The following ADAM28 variants were observed in gnomAD, a reference collection of about 807,000 sequenced individuals.
ADAM28 encodes the protein ADAM metallopeptidase domain 28, also known as disintegrin and metalloproteinase domain-containing protein 28.
ADAM28 carries 105 observed loss-of-function variants against 101.2 expected under a neutral mutation model. The ratio of observed to expected loss-of-function variants is 1.04; its 90% confidence interval spans 0.89 to 1.22. The LOEUF (loss-of-function observed/expected upper bound fraction) is 1.22. Among genes scored for constraint, ADAM28 ranks in the 50% most tolerant of loss-of-function variants. The pLI is 0.00. For missense variants in ADAM28, 1,028 were observed against 945.4 expected (o/e 1.09, Z -1.15); for synonymous variants, 322 against 310.6 (o/e 1.04, Z -0.39).
In ADAM28 at chr8:24,355,803, T is replaced by G. The variant is rs543537445; in HGVS notation, c.*1399T>G. The G allele has an allele frequency of 6.6e-6, 1 of 152,258 alleles. No homozygotes were observed. Among genetic ancestry groups the G allele is most frequent in the South Asian group, 2.1e-4 (1 of 4,822 alleles). 9.4% of individuals were successfully genotyped at this position (152,258 alleles called of 1,614,324 possible). ...TATGAGCCATACATTTTCCTTGTTG[T>G]TTAAGCCATTTTGAATTGGATTTTC... On this transcript the variant is annotated 3_prime_UTR_variant, in exon 23 of 23. Transcript: ENST00000265769.
intron 18 of ADAM28, among the ~76,000 whole-genome samples, chr8:24,349,555 T>C (rs961540942): frequency 3.3e-5 from 5 of 152,220 alleles, no homozygotes; most frequent in Non-Finnish European, 7.3e-5. Flanking sequence ...TCTTCCTTAC[T>C]GTATATTCTC....
At chr8:24,300,219 T>A (rs986437932) in intron 2 of ADAM28, 142 bp downstream of exon 2, 22 of 522,004 alleles carry the variant, frequency 4.2e-5, no homozygotes, top group Non-Finnish European at 5.9e-5. Context: ...TGTGCCTGTG[T>A]GTTTCAAGTG....
At position 24,353,823 on chromosome 8, in the gene ADAM28, T is replaced by C. The variant is rs143142512; in HGVS notation, c.2298T>C (p.Ser766=). The C allele has an allele frequency of 4.7e-5, 71 of 1,517,414 alleles. No homozygotes were observed. The highest frequency in any genetic ancestry group is 6.4e-5 in the Non-Finnish European group (70 of 1,092,998). The allele number at this position is 1,517,414 out of a possible 1,614,324, so 94.0% of individuals were successfully genotyped here. Residue 766 remains serine (S), a synonymous_variant, in exon 22 of 23, where the codon TCT becomes TCC. Transcript: ENST00000265769. ...PPTVFKDNPV[S]TPKDSNPKA ...CTGTTTTCAAGGATAATCCAGTGTC[T>C]ACACCTAAGGTAAGAGATCTATAGC... is the stretch of plus-strand genomic sequence containing the variant.
intron 1 of ADAM28, among the ~76,000 whole-genome samples, chr8:24,297,207 G>C (rs928840301): frequency 2.6e-5 from 4 of 151,092 alleles, no homozygotes; most frequent in Non-Finnish European, 5.9e-5. Flanking sequence ...TTTGTTTTTG[G>C]TTTCCATTTG....
intron 14 of ADAM28, among the ~76,000 whole-genome samples, chr8:24,336,933 A>G (rs972083873): frequency 2.0e-5 from 3 of 152,232 alleles, no homozygotes; most frequent in Non-Finnish European, 4.4e-5. Flanking sequence ...GAGAAAATCT[A>G]CATAGTCCTA....
At chr8:24,331,358 G>A (rs1352067616) in intron 12 of ADAM28, 31 bp downstream of exon 12, 1 of 1,565,930 alleles carries the variant, frequency 6.4e-7, no homozygotes, top group Admixed American at 1.9e-5. Flanking sequence ...AAACGATCTA[G>A]TTGGTTTTTC....
At chr8:24,350,820 T>C (rs1466267310) in intron 19 of ADAM28, among the ~76,000 whole-genome samples, 2 of 151,400 alleles carry the variant, frequency 1.3e-5, no homozygotes, top group Non-Finnish European at 2.9e-5. Flanking sequence ...GAGTAAGTGG[T>C]GGAGGCTGGG....
At chr8:24,325,871 C>CAAAAAA (rs5890146) in intron 9 of ADAM28, among the ~76,000 whole-genome samples, 250 of 20,438 alleles carry the variant, frequency 0.012, 2 homozygotes, top group Non-Finnish European at 0.013. Context: ...GTACAGATAG[C>CAAAAAA]AAAAAAAAAA....
At chr8:24,352,928 G>C (rs4298493) in intron 21 of ADAM28, among the ~76,000 whole-genome samples, 146,332 of 152,228 alleles carry the variant, frequency 0.96, 70,566 homozygotes, top group East Asian at 1. Context: ...TTGCTTGTAA[G>C]TATCAGATAG....
At chr8:24,296,127 G>A (rs971049946) in intron 1 of ADAM28, 2 of 152,174 alleles carry the variant, frequency 1.3e-5, no homozygotes, top group Non-Finnish European at 2.9e-5. Flanking sequence ...GTAAATGATT[G>A]CATCAACAAA....
In ADAM28 at chr8:24,327,822, A is replaced by G. The variant is rs142096355; in HGVS notation, c.972+1187A>G. ...TATTTAATAAATGGTGTTGGGAAAAATGTACAGATTTTTTAAGAGTATGCC... is the reference window on the plus strand; with the variant it reads ...TATTTAATAAATGGTGTTGGGAAAAGTGTACAGATTTTTTAAGAGTATGCC... On this transcript the variant is annotated intron_variant, in intron 10 of 22. Transcript: ENST00000265769. 1.3e-3 allele frequency among the ~76,000 whole-genome samples: 204 copies of G among 151,962 alleles called. 3 individuals carry two copies. The highest frequency in any genetic ancestry group is 4.7e-3 in the African/African-American group (195 of 41,536).
At chr8:24,328,798 C>T (rs973013499) in intron 10 of ADAM28, among the ~76,000 whole-genome samples, 23 of 151,884 alleles carry the variant, frequency 1.5e-4, no homozygotes, top group African/African-American at 5.1e-4. Flanking sequence ...GACGTAGTGG[C>T]TGGTGCCTGT....
rs1812668760 is a variant in ADAM28, at chr8:24,326,703, G to C, written c.972+68G>C. On this transcript the variant is annotated intron_variant, in intron 10 of 22. Coordinates refer to ENST00000265769, the MANE Select transcript of ADAM28 (RefSeq NM_014265.6). ...TCAAATGCTTTTTAAAAAATCTATA[G>C]AGAAGATCATGATAGTTTTTCTCTG... The C allele has an allele frequency of 4.1e-6, 6 of 1,446,456 alleles. No homozygotes were observed. In the Admixed American group the frequency reaches 7.3e-5, roughly 17 times the overall value. The allele number at this position is 1,446,456 out of a possible 1,614,324, so 89.6% of individuals were successfully genotyped here.
In ADAM28 at chr8:24,326,484, T is replaced by C. The variant is rs548105877; in HGVS notation, c.891-70T>C. ...TTTTTCTGCTAACCATTTAGGGTTT[T>C]GGATGTATTGTCTATAAAAATAGAG... On this transcript the variant is annotated intron_variant, in intron 9 of 22. Transcript: ENST00000265769. The C allele has an allele frequency of 3.3e-5, 46 of 1,411,038 alleles. No individual in the cohort carries two copies. In the African/African-American group the frequency reaches 5.5e-4, roughly 17 times the overall value. 87.4% of individuals were successfully genotyped at this position (1,411,038 alleles called of 1,614,324 possible).
intron 7 of ADAM28, among the ~76,000 whole-genome samples, chr8:24,320,762 T>C (rs974608113): frequency 3.3e-5 from 5 of 152,014 alleles, no homozygotes; most frequent in Non-Finnish European, 7.4e-5. Context: ...ACTGTAAGAA[T>C]GCATTTTCAT....
At chr8:24,314,958 T>C (rs1585575034) in intron 6 of ADAM28, among the ~76,000 whole-genome samples, 1 of 144,154 alleles carries the variant, frequency 6.9e-6, no homozygotes, top group East Asian at 2.0e-4. Context: ...ATACAAATGA[T>C]AATGAGAAAA....
chr8:24,299,860 A>C (rs963656371), intron 1 of ADAM28, 114 bp from the exon 2 acceptor site: 7 of 702,146 alleles, frequency 1.0e-5, no homozygotes, highest in Admixed American at 7.9e-5. Context: ...GACATTCATC[A>C]CTTCAGGCTT....
At chr8:24,323,765 A>G (rs1812184765) in intron 8 of ADAM28, 69 bp from the exon 9 acceptor site, 2 of 1,434,520 alleles carry the variant, frequency 1.4e-6, no homozygotes, top group Non-Finnish European at 1.9e-6. Context: ...AATACAAAAT[A>G]TATTGAAAAT....
intron 1 of ADAM28, among the ~76,000 whole-genome samples, chr8:24,298,315 T>A (rs1808246426): frequency 6.6e-6 from 1 of 152,328 alleles, no homozygotes; most frequent in Non-Finnish European, 1.5e-5. Context: ...CATTTTTGAC[T>A]CAAAGAGTTC....
Sources: gnomAD v4.1 joint callset for allele counts (sites outside exome capture counted in the v4.1 genomes callset) on GRCh38, gnomAD v4.1.1 for gene constraint, MANE v1.5 for transcripts, NCBI Gene and HGNC (gene_info 2026-07-23, HGNC 2026-07-21) for gene names.